Variants in CDHR2 observed in about 807,000 individuals in gnomAD.
CDHR2 encodes cadherin related family member 2.
In CDHR2, 104 loss-of-function variants were observed where a neutral mutation model predicts 138.6. That is an observed-to-expected ratio of 0.75 (90% CI 0.64 to 0.88). The LOEUF is 0.88. Among genes scored for constraint, CDHR2 ranks in the 40% least tolerant of loss-of-function variants. CDHR2 has a pLI of 0.00. For missense variants in CDHR2, 1,624 were observed against 1,727.6 expected (o/e 0.94, Z 1.06); for synonymous variants, 755 against 742.8 (o/e 1.02, Z -0.27).
At chr5:176,581,259 T>C in intron 16 of CDHR2, 84 bp from the exon 17 acceptor site, 2 of 1,561,958 alleles carry the variant, frequency 1.3e-6, no homozygotes, top group Non-Finnish European at 1.7e-6. Flanking sequence ...GGGCCAGCGC[T>C]GGAGAGGAGG....
chr5:176,591,145 G>A, intron 28 of CDHR2, 65 bp from the exon 29 acceptor site: 2 of 1,100,212 alleles, frequency 1.8e-6, no homozygotes, highest in Middle Eastern at 2.3e-4. Context: ...CACAGGCTCA[G>A]GGCCTCCACT....
At chr5:176,567,043 T>A (rs1758099994) in intron 3 of CDHR2, 1 of 456,074 alleles carries the variant, frequency 2.2e-6, no homozygotes, top group Non-Finnish European at 4.4e-6. Context: ...AATCCCCTGA[T>A]CAAGAGAAAG....
At chr5:176,565,496 A>T in intron 2 of CDHR2, 92 bp downstream of exon 2, 1 of 1,359,510 alleles carries the variant, frequency 7.4e-7, no homozygotes, top group Non-Finnish European at 1.0e-6. Context: ...ATCAGCAAAC[A>T]CCAGCTCCTA....
At chr5:176,550,190 T>G (rs1757674962) in intron 1 of CDHR2, among the ~76,000 whole-genome samples, 1 of 152,214 alleles carries the variant, frequency 6.6e-6, no homozygotes, top group South Asian at 2.1e-4. Context: ...GGCCCGTGTG[T>G]AGACCCCTTG....
chr5:176,589,756 T>G (rs919841311), intron 24 of CDHR2, 140 bp downstream of exon 24: 107 of 754,876 alleles, frequency 1.4e-4, no homozygotes, highest in Non-Finnish European at 2.0e-4. Flanking sequence ...ACCCTGTACT[T>G]TCACCTGCAC....
chr5:176,581,931 T>A (rs1313325053), intron 17 of CDHR2, among the ~76,000 whole-genome samples: 1 of 152,108 alleles, frequency 6.6e-6, no homozygotes, highest in Non-Finnish European at 1.5e-5. Context: ...AGGGAAGGGG[T>A]GAAAATCAGC....
At chr5:176,555,849 C>T (rs966719649) in intron 1 of CDHR2, among the ~76,000 whole-genome samples, 2 of 152,068 alleles carry the variant, frequency 1.3e-5, no homozygotes, top group Non-Finnish European at 1.5e-5. Flanking sequence ...TGCAGTGAGC[C>T]GAGATCGCCC....
In CDHR2 at chr5:176,576,248, G is replaced by A. The variant is rs575578131; in HGVS notation, c.1194+63G>A. 8 of 1,304,824 alleles carry A rather than the reference G, an allele frequency of 6.1e-6. No homozygotes were observed. The highest frequency in any genetic ancestry group is 4.3e-5 in the African/African-American group (3 of 69,418). The allele number at this position is 1,304,824 out of a possible 1,614,324, so 80.8% of individuals were successfully genotyped here. On this transcript the variant is annotated intron_variant, in intron 12 of 31. Transcript: ENST00000261944. This position sits in a 1 kb window ranked among gnomAD's most constrained non-coding sequence, Gnocchi z 4.5. Reference sequence around the variant, plus strand: ...GGGGAGGCCAGTGGGAGCCTGGATCGAGTGACGGTGTCATGTGGTGCTGGG... The same window carrying A: ...GGGGAGGCCAGTGGGAGCCTGGATCAAGTGACGGTGTCATGTGGTGCTGGG...
At chr5:176,591,632 G>A in intron 30 of CDHR2, 148 bp downstream of exon 30, 1 of 663,946 alleles carries the variant, frequency 1.5e-6, no homozygotes, top group South Asian at 1.7e-5. Flanking sequence ...TGGTGGTGGT[G>A]ATGGTAGTGA....
rs1171047442 is a variant in CDHR2, at chr5:176,591,541, G to A, written c.3734+57G>A. 18 of 1,249,984 alleles carry A rather than the reference G, an allele frequency of 1.4e-5. 2 individuals carry two copies. In the South Asian group the frequency reaches 1.9e-4, roughly 13 times the overall value. The allele number at this position is 1,249,984 out of a possible 1,614,324, so 77.4% of individuals were successfully genotyped here. ...GGTGGTGGTGGTACAGGTAGTGACG[G>A]TGGTGGTGGTGATGGTGTTGGTGGT... On this transcript the variant is annotated intron_variant, in intron 30 of 31. Transcript: ENST00000261944.
intron 24 of CDHR2, 28 bp from the exon 25 acceptor site, chr5:176,590,050 G>A (rs759372224): frequency 6.3e-7 from 1 of 1,596,790 alleles, no homozygotes; most frequent in East Asian, 2.2e-5. Flanking sequence ...AAGACCCCAG[G>A]CCTCTGTGAC....
Position 176,584,676 on chromosome 5 carries a change from A to AAAGGCGTGAATGTGG in CDHR2, c.2398_2399insGCGTGAATGTGGAAG (p.Lys799_Asp800insGlyValAsnValGlu). On this transcript the variant is annotated inframe_insertion, in exon 19 of 32. Transcript: ENST00000261944. Reference sequence around the variant, plus strand: ...CATAGTAGACGTCTGCGTGAATGTGAAAGACGTGAACGACAATCCCCCCAC... The same window carrying AAAGGCGTGAATGTGG: ...CATAGTAGACGTCTGCGTGAATGTGAAAGGCGTGAATGTGGAAGACGTGAACGACAATCCCCCCAC... 1 of 1,614,066 alleles carries AAAGGCGTGAATGTGG rather than the reference A, an allele frequency of 6.2e-7. No individual in the cohort carries two copies. The highest frequency in any genetic ancestry group is 8.5e-7 in the Non-Finnish European group (1 of 1,179,984).
intron 16 of CDHR2, among the ~76,000 whole-genome samples, chr5:176,580,091 G>A (rs977436915): frequency 1.3e-5 from 2 of 151,762 alleles, no homozygotes; most frequent in African/African-American, 4.8e-5. Flanking sequence ...TGCCTTCAGG[G>A]CCCTGGCAGG....
rs935744365 is a variant in CDHR2, at chr5:176,553,630, C to G, written c.-16+4216C>G. 6.6e-6 allele frequency among the ~76,000 whole-genome samples: 1 copy of G among 152,094 alleles called. No individual in the cohort carries two copies. Among genetic ancestry groups the G allele is most frequent in the Non-Finnish European group, 1.5e-5 (1 of 67,998 alleles). The stretch of plus-strand genomic sequence containing the variant: ...GCCTCAGAGGGATGCCTGGGCTGGA[C>G]GCATCCAGCCCCTGGCTGTTCCTTA... On this transcript the variant is annotated intron_variant, in intron 1 of 31. Coordinates refer to ENST00000261944, the MANE Select transcript of CDHR2 (RefSeq NM_017675.6). This position sits in a 1 kb window ranked among gnomAD's most constrained non-coding sequence, Gnocchi z 4.3.
chr5:176,568,899 A>AC, intron 4 of CDHR2, 61 bp from the exon 5 acceptor site: 1 of 1,611,206 alleles, frequency 6.2e-7, no homozygotes, highest in Non-Finnish European at 8.5e-7. Context: ...TGGTGGCGGC[A>AC]CCCCCTGTGC....
At chr5:176,549,937 A>G (rs927405822) in intron 1 of CDHR2, among the ~76,000 whole-genome samples, 2 of 152,208 alleles carry the variant, frequency 1.3e-5, no homozygotes, top group Non-Finnish European at 2.9e-5. Flanking sequence ...CATGTGGCCT[A>G]TGACCGAGCC....
At position 176,577,255 on chromosome 5, in the gene CDHR2, A is replaced by T. The variant is rs1581142340; in HGVS notation, c.1195-144A>T. 5.3e-5 allele frequency: 47 copies of T among 883,322 alleles called. No homozygotes were observed. In the East Asian group the frequency reaches 1.2e-3, roughly 23 times the overall value. The allele number at this position is 883,322 out of a possible 1,614,324, so 54.7% of individuals were successfully genotyped here. A position where few individuals can be genotyped will look rare whatever the true frequency, so the allele number is the denominator to read the frequency against. Reference sequence around the variant, plus strand: ...ACTGGTGACCAGCCCAGCCTCCTGCACCCTCTCTCGCAGTCTTTTGAGAGC... The same window carrying T: ...ACTGGTGACCAGCCCAGCCTCCTGCTCCCTCTCTCGCAGTCTTTTGAGAGC... On this transcript the variant is annotated intron_variant, in intron 12 of 31. Transcript: ENST00000261944.
chr5:176,558,075 C>T lies in CDHR2; in HGVS notation c.-15-7263C>T, dbSNP rs1010537069. 4.6e-5 allele frequency among the ~76,000 whole-genome samples: 7 copies of T among 152,180 alleles called. 1 individual carries two copies. Among genetic ancestry groups the T allele is most frequent in the Non-Finnish European group, 7.4e-5 (5 of 68,008 alleles). On this transcript the variant is annotated intron_variant, in intron 1 of 31. Transcript: ENST00000261944. ...TACAGCCCATCACGCTTCCCCAGCG[C>T]GCATGGTAAGGTTGTAGTCCATCGA...
intron 5 of CDHR2, 60 bp from the exon 6 acceptor site, chr5:176,571,153 C>T (rs1758219311): frequency 8.9e-7 from 1 of 1,121,274 alleles, no homozygotes; most frequent in Admixed American, 1.9e-5. Context: ...ACGATACTTG[C>T]AACTTTTCTG....
Sources: gnomAD v4.1 joint callset for allele counts (sites outside exome capture counted in the v4.1 genomes callset) on GRCh38, gnomAD v4.1.1 for gene constraint, Gnocchi (gnomAD v3.1) non-coding constraint, MANE v1.5 for transcripts, NCBI Gene and HGNC (gene_info 2026-07-23, HGNC 2026-07-21) for gene names.